The following CDH12 variants were observed in gnomAD, a reference collection of about 807,000 sequenced individuals.
CDH12 encodes cadherin-12.
In CDH12, 41 loss-of-function variants were observed where a neutral mutation model predicts 74.1. That is an observed-to-expected ratio of 0.55 (90% CI 0.43 to 0.72). The LOEUF is 0.72. Among genes scored for constraint, CDH12 ranks in the 30% least tolerant of loss-of-function variants. The pLI, the probability that CDH12 is intolerant of heterozygous loss-of-function variation, is 0.00. For missense variants in CDH12, 945 were observed against 977.2 expected (o/e 0.97, Z 0.44); for synonymous variants, 399 against 355.0 (o/e 1.12, Z -1.39).
intron 3 of CDH12, among the ~76,000 whole-genome samples, chr5:22,292,693 A>G (rs1188748689): frequency 6.6e-6 from 1 of 152,038 alleles, no homozygotes; most frequent in East Asian, 1.9e-4. Context: ...ACCATTAATC[A>G]TCAGGAGACA....
At chr5:22,157,586 T>C (rs1240097762) in intron 4 of CDH12, among the ~76,000 whole-genome samples, 1 of 115,064 alleles carries the variant, frequency 8.7e-6, no homozygotes, top group Non-Finnish European at 2.0e-5. Flanking sequence ...TCATAAAATC[T>C]GAAAAAAAAA....
intron 10 of CDH12, among the ~76,000 whole-genome samples, chr5:21,788,320 A>G (rs1746307138): frequency 6.6e-6 from 1 of 152,148 alleles, no homozygotes; most frequent in Non-Finnish European, 1.5e-5. Flanking sequence ...TGAAGCAGAA[A>G]AAGTGAGGGG....
chr5:21,948,746 C>T (rs1038559877), intron 6 of CDH12, among the ~76,000 whole-genome samples: 1 of 152,024 alleles, frequency 6.6e-6, no homozygotes, highest in Non-Finnish European at 1.5e-5. Context: ...ATATCCCCAC[C>T]CAAATCTCAT....
At chr5:22,623,737 G>A (rs1341981495) in intron 1 of CDH12, among the ~76,000 whole-genome samples, 1 of 152,098 alleles carries the variant, frequency 6.6e-6, no homozygotes, top group African/African-American at 2.4e-5. Flanking sequence ...TGGCCATACT[G>A]CCCAAGGTAA....
chr5:22,244,088 A>C (rs1752835729), intron 3 of CDH12, among the ~76,000 whole-genome samples: 1 of 152,140 alleles, frequency 6.6e-6, no homozygotes, highest in African/African-American at 2.4e-5. Context: ...AGAGATCAAA[A>C]AAGGCAAAAA....
intron 4 of CDH12, among the ~76,000 whole-genome samples, chr5:22,176,542 C>G (rs756410223): frequency 6.6e-6 from 1 of 152,006 alleles, no homozygotes; most frequent in Admixed American, 6.6e-5. Context: ...TCTTTTTATT[C>G]CTTCCTTATC....
chr5:22,023,725 C>A (rs1052981963), intron 5 of CDH12, among the ~76,000 whole-genome samples: 2 of 152,068 alleles, frequency 1.3e-5, no homozygotes, highest in African/African-American at 4.8e-5. Context: ...TTAAAACAAG[C>A]TTGGGTAACC....
At chr5:22,810,511 A>C (rs1394003221) in intron 1 of CDH12, among the ~76,000 whole-genome samples, 1 of 152,126 alleles carries the variant, frequency 6.6e-6, no homozygotes, top group Non-Finnish European at 1.5e-5. Context: ...GGATACCTCA[A>C]TTTAATAAGG....
chr5:22,363,135 A>T (rs990261558), intron 3 of CDH12, among the ~76,000 whole-genome samples: 2 of 152,252 alleles, frequency 1.3e-5, no homozygotes, highest in Admixed American at 1.3e-4. Flanking sequence ...TATATTAGAC[A>T]TATATTTTCA....
At chr5:22,017,515 TCATTAA>T (rs1282575460) in intron 5 of CDH12, among the ~76,000 whole-genome samples, 7 of 152,248 alleles carry the variant, frequency 4.6e-5, no homozygotes, top group Non-Finnish European at 1.0e-4. Context: ...AATCTCTATT[TCATTAA>T]CATTAACTTT....
chr5:21,996,271 A>G (rs3111152), intron 5 of CDH12, among the ~76,000 whole-genome samples: 1 of 152,094 alleles, frequency 6.6e-6, no homozygotes, highest in Non-Finnish European at 1.5e-5. Flanking sequence ...CTGCCTCCCA[A>G]CCATAGGTAG....
intron 3 of CDH12, among the ~76,000 whole-genome samples, chr5:22,227,171 G>A (rs1011539922): frequency 6.6e-6 from 1 of 152,042 alleles, no homozygotes; most frequent in African/African-American, 2.4e-5. Flanking sequence ...ACTGGATCAC[G>A]GAGGAACTAG....
chr5:22,032,835 C>G (rs576170947), intron 5 of CDH12, among the ~76,000 whole-genome samples: 1 of 149,122 alleles, frequency 6.7e-6, no homozygotes, highest in Non-Finnish European at 1.5e-5. Context: ...CACACACACA[C>G]GCACACACAC....
rs1408603896 is a variant in CDH12, at chr5:22,004,818, T to C, written c.232-29433A>G. 3.9e-5 allele frequency among the ~76,000 whole-genome samples: 6 copies of C among 152,246 alleles called. No homozygotes were observed. The East Asian group carries it at 1.2e-3, about 30-fold the overall frequency. ...ATCTCCCTCCTATCCTCCCCACTTT[T>C]AGAGCCCCAATGCCTATTATTTTCC... On this transcript the variant is annotated intron_variant, in intron 5 of 14. Coordinates refer to ENST00000382254, the MANE Select transcript of CDH12 (RefSeq NM_004061.5).
At chr5:22,412,269 C>A (rs1743197530) in intron 2 of CDH12, among the ~76,000 whole-genome samples, 1 of 151,888 alleles carries the variant, frequency 6.6e-6, no homozygotes, top group South Asian at 2.1e-4. Flanking sequence ...CATGATATTA[C>A]TATAAAAACA....
intron 2 of CDH12, among the ~76,000 whole-genome samples, chr5:22,495,714 GAAA>G (rs1470922468): frequency 6.6e-6 from 1 of 152,072 alleles, no homozygotes; most frequent in African/African-American, 2.4e-5. Flanking sequence ...AGAAATATAA[GAAA>G]AAATAAACTT....
At chr5:22,170,780 G>A (rs1343385838) in intron 4 of CDH12, among the ~76,000 whole-genome samples, 2 of 151,688 alleles carry the variant, frequency 1.3e-5, no homozygotes, top group Non-Finnish European at 1.5e-5. Context: ...CACATTTTTT[G>A]TGATAATTAT....
intron 3 of CDH12, among the ~76,000 whole-genome samples, chr5:22,362,994 A>C (rs966672439): frequency 1.7e-4 from 25 of 149,806 alleles, no homozygotes; most frequent in African/African-American, 6.1e-4. Context: ...TGACGAGTTA[A>C]TGGGTGCAGC....
chr5:22,330,913 T>C (rs905785480), intron 3 of CDH12, among the ~76,000 whole-genome samples: 4 of 151,824 alleles, frequency 2.6e-5, no homozygotes, highest in African/African-American at 9.7e-5. Flanking sequence ...GGGCCAAAGG[T>C]GAGCACACTG....
Sources: allele counts gnomAD v4.1 joint callset (sites outside exome capture counted in the v4.1 genomes callset), GRCh38; gene constraint gnomAD v4.1.1; transcripts MANE v1.5; gene names NCBI Gene and HGNC (gene_info 2026-07-23, HGNC 2026-07-21).